The following WFDC8 variants were observed in gnomAD, a reference collection of about 807,000 sequenced individuals.
WFDC8 encodes the protein WAP four-disulfide core domain 8.
Under a neutral mutation model 27.0 loss-of-function variants are expected in WFDC8, and 24 were observed. That is an observed-to-expected ratio of 0.89 (90% CI 0.64 to 1.25). The LOEUF (loss-of-function observed/expected upper bound fraction) is 1.25, where lower values mean the gene tolerates loss of function less well. WFDC8 is among the 50% of genes most tolerant of loss of function. The probability of loss-of-function intolerance (pLI) is 0.00; values close to 1 mark genes in which losing one functional copy is unlikely to be tolerated. For synonymous variants in WFDC8, 106 were observed against 99.7 expected, an observed-to-expected ratio of 1.06 and a Z score of -0.38; for missense variants, 287 against 295.9, an observed-to-expected ratio of 0.97 and a Z score of 0.22.
At position 45,552,145 on chromosome 20, in the gene WFDC8, G is replaced by T; in HGVS notation, c.607C>A (p.Arg203Ser). 1.2e-6 allele frequency: 2 copies of T among 1,614,004 alleles called. No individual in the cohort carries two copies. The highest frequency in any genetic ancestry group is 1.7e-5 in the Admixed American group (1 of 60,014). The change falls in exon 6 of 6, where the codon CGC becomes AGC. Residue 203 changes from arginine (R) to serine (S), a missense_variant. Transcript: ENST00000289953. ...AWTVKKGFCP[R>S]KPLLCTKIDK... Reference sequence around the variant, plus strand: ...ATCTTGGTACATAGCAAGGGCTTGCGTGGGCAGAAACCTTTTTTGACTTTA... The same window carrying T: ...ATCTTGGTACATAGCAAGGGCTTGCTTGGGCAGAAACCTTTTTTGACTTTA...
chr20:45,574,490 A>G (rs887741552), intron 1 of WFDC8, among the ~76,000 whole-genome samples: 1 of 152,132 alleles, frequency 6.6e-6, no homozygotes, highest in East Asian at 1.9e-4. Flanking sequence ...TGTATTCAAC[A>G]GTACATTAAA....
At chr20:45,554,375 G>A (rs1980163545) in intron 4 of WFDC8, among the ~76,000 whole-genome samples, 1 of 152,140 alleles carries the variant, frequency 6.6e-6, no homozygotes, top group Non-Finnish European at 1.5e-5. Flanking sequence ...GTGAGGTCCA[G>A]GTGGAGATGT....
rs377581195 is a variant in WFDC8, at chr20:45,555,790, C to T, written c.356G>A (p.Arg119His). 4.5e-5 allele frequency: 73 copies of T among 1,613,660 alleles called. No homozygotes were observed. The highest frequency in any genetic ancestry group is 4.5e-4 in the East Asian group (20 of 44,888). Residue 119 changes from arginine (R) to histidine (H), a missense_variant, in exon 4 of 6, where the codon CGC (arginine) becomes CAC (histidine). By Grantham distance (29) the Arg-to-His change is conservative. Transcript: ENST00000289953. ...QRWHFDFKNYRCTPFKYRGCE... is the reference protein window; with the variant it reads ...QRWHFDFKNYHCTPFKYRGCE... ...GCCCCTGTATTTGAAGGGTGTGCAG[C>T]GGTAATTTTTAAAGTCAAAATGCCA...
At chr20:45,557,083 T>G (rs184240966) in intron 3 of WFDC8, among the ~76,000 whole-genome samples, 1 of 152,280 alleles carries the variant, frequency 6.6e-6, no homozygotes, top group African/African-American at 2.4e-5. Context: ...AAGGGCCAAT[T>G]GATCAACAGA....
intron 1 of WFDC8, among the ~76,000 whole-genome samples, chr20:45,566,830 T>C (rs6104227): frequency 0.38 from 57,913 of 151,658 alleles, 11,455 homozygotes; most frequent in Non-Finnish European, 0.43. Context: ...CTTTGGGGGA[T>C]TGGTTCCAGG....
At chr20:45,557,365 G>A (rs752243663) in intron 3 of WFDC8, among the ~76,000 whole-genome samples, 5 of 152,024 alleles carry the variant, frequency 3.3e-5, no homozygotes, top group African/African-American at 1.2e-4. Flanking sequence ...TTTCTCTTTG[G>A]CAAAAATATG....
chr20:45,558,775 A>T lies in WFDC8; in HGVS notation c.277+77T>A, dbSNP rs370779239. 4.6e-5 allele frequency: 73 copies of T among 1,571,924 alleles called. No homozygotes were observed. In the African/African-American group the frequency reaches 5.9e-4, roughly 13 times the overall value. On this transcript the variant is annotated intron_variant, in intron 3 of 5. Coordinates refer to ENST00000289953, the MANE Select transcript of WFDC8 (RefSeq NM_130896.3). ...ACAGGCCCTGGGTCCTTGTCCTGCCATCCAAGGGAATCCCTCAGCCAGTTT... is the reference window on the plus strand; with the variant it reads ...ACAGGCCCTGGGTCCTTGTCCTGCCTTCCAAGGGAATCCCTCAGCCAGTTT...
Position 45,555,762 on chromosome 20 carries a change from G to A in WFDC8, c.384C>T (p.Cys128=), listed in dbSNP as rs150100809. ...TTAAGAAGTTGTTGGCATTCCCTTC[G>A]CAGCCCCTGTATTTGAAGGGTGTGC... ...YRCTPFKYRG[C]EGNANNFLNE... Residue 128 remains cysteine, a synonymous_variant, in exon 4 of 6, where the codon TGC becomes TGT. Coordinates refer to ENST00000289953, the MANE Select transcript of WFDC8 (RefSeq NM_130896.3). 8.6e-5 allele frequency: 138 copies of A among 1,613,326 alleles called. 1 individual carries two copies. In the African/African-American group the frequency reaches 1.2e-3, roughly 14 times the overall value.
intron 1 of WFDC8, among the ~76,000 whole-genome samples, chr20:45,577,024 T>G (rs1360114558): frequency 1.3e-5 from 2 of 151,422 alleles, no homozygotes; most frequent in African/African-American, 4.8e-5. Context: ...TCAATACTCA[T>G]GATGCTTTTG....
At chr20:45,570,062 A>T (rs1336582378) in intron 1 of WFDC8, among the ~76,000 whole-genome samples, 1 of 152,190 alleles carries the variant, frequency 6.6e-6, no homozygotes, top group Non-Finnish European at 1.5e-5. Context: ...GAAGGAGAGG[A>T]TCAGGAAAAA....
chr20:45,564,667 T>G (rs1444860135), intron 1 of WFDC8, among the ~76,000 whole-genome samples: 2 of 127,750 alleles, frequency 1.6e-5, no homozygotes, highest in African/African-American at 6.4e-5. Context: ...AGAGAGAGAC[T>G]CTGTCTCAAA....
At chr20:45,575,014 A>C (rs1330639847) in intron 1 of WFDC8, among the ~76,000 whole-genome samples, 1 of 152,188 alleles carries the variant, frequency 6.6e-6, no homozygotes, top group South Asian at 2.1e-4. Flanking sequence ...TAGGTATAGA[A>C]GGAATGTACA....
chr20:45,569,604 G>A, intron 1 of WFDC8, among the ~76,000 whole-genome samples: 1 of 152,208 alleles, frequency 6.6e-6, no homozygotes, highest in South Asian at 2.1e-4. Context: ...TGTCTTTCAG[G>A]ATTTTTATGG....
At chr20:45,564,227 C>G (rs1455881967) in intron 1 of WFDC8, among the ~76,000 whole-genome samples, 2 of 152,076 alleles carry the variant, frequency 1.3e-5, no homozygotes, top group African/African-American at 4.8e-5. Flanking sequence ...CTAGGACAGA[C>G]CTGGAATACT....
chr20:45,553,254 G>C lies in WFDC8; in HGVS notation c.468C>G (p.Leu156=). The change falls in exon 5 of 6, where the codon CTC becomes CTG. Residue 156 remains leucine (L), a synonymous_variant. Transcript: ENST00000289953. ...ACTCCTTACGTTCAGTGAAAGGGAA[G>C]AGTGGGCATTGTCCATCCTTAACTA... The part of the protein sequence containing the change: ...MLIVKDGQCP[L]FPFTERKECP... The C allele has an allele frequency of 6.2e-7, 1 of 1,613,782 alleles. No homozygotes were observed. The highest frequency in any genetic ancestry group is 8.5e-7 in the Non-Finnish European group (1 of 1,179,730).
In WFDC8 at chr20:45,562,208, A is replaced by G. The variant is rs1276216712; in HGVS notation, c.38T>C (p.Leu13Pro). 6.2e-7 allele frequency: 1 copy of G among 1,614,104 alleles called. No homozygotes were observed. The change falls in exon 2 of 6, where the codon CTC (leucine) becomes CCC (proline). Residue 13 changes from leucine (L) to proline (P), a missense_variant. Leu to Pro is a moderately conservative substitution (Grantham distance 98). Coordinates refer to ENST00000289953, the MANE Select transcript of WFDC8 (RefSeq NM_130896.3). ...CCTCCAGGAGAAGGTGGGGCTATGG[A>G]GAGGAAAGTGCCTGTATGGATGAGA... ...TVRTEGGHFP[L>P]HSPTFSWRNV...
In WFDC8 at chr20:45,553,284, A is replaced by G; in HGVS notation, c.446-8T>C. 2 of 1,611,696 alleles carry G rather than the reference A, an allele frequency of 1.2e-6. No homozygotes were observed. The highest frequency in any genetic ancestry group is 2.2e-5 in the South Asian group (2 of 90,672). Reference sequence around the variant, plus strand: ...GGCATTGTCCATCCTTAACTAAAATAAGAGCAGATGTGAGCTTCTTAAAAC... The same window carrying G: ...GGCATTGTCCATCCTTAACTAAAATGAGAGCAGATGTGAGCTTCTTAAAAC... On this transcript the variant is annotated splice_region_variant and splice_polypyrimidine_tract_variant and intron_variant, in intron 4 of 5. Coordinates refer to ENST00000289953, the MANE Select transcript of WFDC8 (RefSeq NM_130896.3).
In WFDC8 at chr20:45,570,156, C is replaced by T. The variant is rs529901690; in HGVS notation, c.27-7937G>A. On this transcript the variant is annotated intron_variant, in intron 1 of 5. Transcript: ENST00000289953. ...CCATGGCACAAGTTTACCTATATAACAAGTCTGCACACGTACCCATGAACT... is the reference window on the plus strand; with the variant it reads ...CCATGGCACAAGTTTACCTATATAATAAGTCTGCACACGTACCCATGAACT... Among the ~76,000 whole-genome samples the T allele has an allele frequency of 5.9e-5, 9 of 152,052 alleles. No individual in the cohort carries two copies. In the South Asian group the frequency reaches 1.7e-3, roughly 28 times the overall value.
chr20:45,579,262 A>G lies in WFDC8; in HGVS notation c.-15T>C, dbSNP rs1038839130. ...ACAGTCCACATCAGGCCTCTTCCCT[A>G]TGGAGACAGCTTCCTCACTTTGCTC... is the stretch of plus-strand genomic sequence containing the variant. On this transcript the variant is annotated 5_prime_UTR_variant, in exon 1 of 6. Coordinates refer to ENST00000289953, the MANE Select transcript of WFDC8 (RefSeq NM_130896.3). 2 of 1,613,616 alleles carry G rather than the reference A, an allele frequency of 1.2e-6. No individual in the cohort carries two copies. Among genetic ancestry groups the G allele is most frequent in the Non-Finnish European group, 8.5e-7 (1 of 1,179,866 alleles).
Sources: gnomAD v4.1 joint callset for allele counts (sites outside exome capture counted in the v4.1 genomes callset) on GRCh38, gnomAD v4.1.1 for gene constraint, MANE v1.5 for transcripts, NCBI Gene and HGNC (gene_info 2026-07-23, HGNC 2026-07-21) for gene names.